The following CLSPN variants were observed in gnomAD, a reference collection of about 807,000 sequenced individuals.
The protein encoded by CLSPN is claspin, also known as claspin homolog.
CLSPN carries 85 observed loss-of-function variants against 156.3 expected under a neutral mutation model. The ratio of observed to expected loss-of-function variants is 0.54; its 90% CI spans 0.46 to 0.65. The LOEUF is 0.65. Among genes scored for constraint, CLSPN ranks in the 30% least tolerant of loss-of-function variants. The pLI is 0.00. For missense variants in CLSPN, 1,407 were observed against 1,554.9 expected (o/e 0.90, Z 1.60); for synonymous variants, 534 against 542.4 (o/e 0.98, Z 0.22).
downstream of CLSPN, among the ~76,000 whole-genome samples, chr1:35,728,921 A>AACACACAC (rs58348673): frequency 3.5e-3 from 294 of 85,130 alleles, 8 homozygotes; most frequent in East Asian, 0.019. Context: ...CCTCCCCTCA[A>AACACACAC]ACACACACAC....
At chr1:35,721,036 T>C (rs1641062594) in intron 24 of CLSPN, 4 of 1,235,352 alleles carry the variant, frequency 3.2e-6, no homozygotes, top group Non-Finnish European at 4.7e-6. Context: ...GAGAGATAGT[T>C]CTGATAATGT....
At chr1:35,758,593 C>T (rs1210755673) in intron 8 of CLSPN, among the ~76,000 whole-genome samples, 4 of 151,554 alleles carry the variant, frequency 2.6e-5, no homozygotes, top group Non-Finnish European at 5.9e-5. Context: ...TGCAGTGAGC[C>T]GAGATCGCAG....
At chr1:35,765,551 A>T (rs1476322865) in intron 1 of CLSPN, among the ~76,000 whole-genome samples, 1 of 147,820 alleles carries the variant, frequency 6.8e-6, no homozygotes, top group Non-Finnish European at 1.5e-5. Flanking sequence ...TAGTAACGGT[A>T]AAAAAAAAAA....
rs1641765202 is a variant in CLSPN at position 35,743,456 on chromosome 1, T to C, written c.3041A>G (p.Glu1014Gly). Reference protein sequence around the residue: ...VSNDNEFDSDEDEHSDSGNDL... With the variant: ...VSNDNEFDSDGDEHSDSGNDL... ...TTACTTTGTTCCCTTCATACTCACC[T>C]CATCACTATCAAACTCATTATCATT... Residue 1014 changes from glutamate to glycine, a missense_variant and splice_region_variant, in exon 17 of 25, where the codon GAG becomes GGG. By Grantham distance (98) the Glu-to-Gly change is moderately conservative. Transcript: ENST00000318121. 2 of 1,611,958 alleles carry C rather than the reference T, an allele frequency of 1.2e-6. No individual in the cohort carries two copies. Among genetic ancestry groups the C allele is most frequent in the Admixed American group, 1.7e-5 (1 of 59,956 alleles).
rs1641387985 is a variant in CLSPN at position 35,734,168 on chromosome 1, T to C, written c.*2328A>G. The C allele has an allele frequency of 2.0e-6, 2 of 985,260 alleles. No homozygotes were observed. The highest frequency in any genetic ancestry group is 4.7e-5 in the South Asian group (1 of 21,290). The allele number at this position is 985,260 out of a possible 1,614,324, so 61.0% of individuals were successfully genotyped here. On this transcript the variant is annotated 3_prime_UTR_variant, in exon 25 of 25. Transcript: ENST00000318121. ...TTAGACCCAGAGGGTTTCCCTGGGA[T>C]GGAGATAACCTGAAAATGAAATGCT...
At chr1:35,762,161 A>G in intron 5 of CLSPN, 91 bp from the exon 6 acceptor site, 7 of 1,027,208 alleles carry the variant, frequency 6.8e-6, no homozygotes, top group Non-Finnish European at 8.9e-6. Context: ...CTCTCCAAGA[A>G]AAGAGGAAAG....
At chr1:35,724,518 A>G (rs1055620329) in intron 24 of CLSPN, among the ~76,000 whole-genome samples, 1 of 152,226 alleles carries the variant, frequency 6.6e-6, no homozygotes, top group Non-Finnish European at 1.5e-5. Context: ...CCATATCAGA[A>G]CAAAGCACGA....
chr1:35,737,905 C>A, intron 22 of CLSPN, 87 bp downstream of exon 22: 1 of 674,400 alleles, frequency 1.5e-6, no homozygotes. Flanking sequence ...GATTAAGCTG[C>A]AACAGCTCCT....
chr1:35,738,765 T>A (rs1641575012), intron 20 of CLSPN, among the ~76,000 whole-genome samples, 183 bp from the exon 21 acceptor site: 1 of 151,654 alleles, frequency 6.6e-6, no homozygotes, highest in Non-Finnish European at 1.5e-5. Flanking sequence ...CCATTTGCCA[T>A]CTGAAACTCG....
chr1:35,721,731 C>T (rs1641078521), intron 24 of CLSPN, among the ~76,000 whole-genome samples: 1 of 151,990 alleles, frequency 6.6e-6, no homozygotes, highest in African/African-American at 2.4e-5. Flanking sequence ...ATCTCAGAGA[C>T]AGGAAGAAAA....
In CLSPN at chr1:35,763,276, C is replaced by T. The variant is rs201678927; in HGVS notation, c.628G>A (p.Val210Met). Residue 210 changes from valine (V) to methionine (M), a missense_variant, in exon 4 of 25, where the codon GTG becomes ATG. Val to Met is a conservative substitution (Grantham distance 21, BLOSUM62 1). Coordinates refer to ENST00000318121, the MANE Select transcript of CLSPN (RefSeq NM_022111.4). ...QPFNDSGCLL[V>M]DKDLFETGLE... is the part of the protein sequence containing the mutation. ...CCAGTTTCAAAAAGGTCTTTATCCACAAGAAGACAGCCACTGTCATTAAAT... is the reference window on the plus strand; with the variant it reads ...CCAGTTTCAAAAAGGTCTTTATCCATAAGAAGACAGCCACTGTCATTAAAT... The T allele has an allele frequency of 6.2e-6, 10 of 1,605,138 alleles. No homozygotes were observed. The highest frequency in any genetic ancestry group is 1.1e-5 in the South Asian group (1 of 89,466).
At position 35,733,513 on chromosome 1, in the gene CLSPN, A is replaced by C; in HGVS notation, c.*2983T>G. On this transcript the variant is annotated 3_prime_UTR_variant, in exon 25 of 25. Transcript: ENST00000318121. Reference sequence around the variant, plus strand: ...ATCTCTCCTCAAAAGACATGTAGGGAAACAAGAGGGAAGAAATATCTAGCC... The same window carrying C: ...ATCTCTCCTCAAAAGACATGTAGGGCAACAAGAGGGAAGAAATATCTAGCC... 1.0e-6 allele frequency: 1 copy of C among 985,266 alleles called. No individual in the cohort carries two copies. Among genetic ancestry groups the C allele is most frequent in the Non-Finnish European group, 1.2e-6 (1 of 829,884 alleles). 61.0% of individuals were successfully genotyped at this position (985,266 alleles called of 1,614,324 possible).
At chr1:35,768,547 G>C (rs995040698) in intron 1 of CLSPN, among the ~76,000 whole-genome samples, 1 of 151,676 alleles carries the variant, frequency 6.6e-6, no homozygotes, top group East Asian at 2.0e-4. Flanking sequence ...AGCTGGGACC[G>C]AGTAGCTGGG....
intron 1 of CLSPN, 78 bp downstream of exon 1, chr1:35,769,769 G>C (rs1367614449): frequency 5.7e-6 from 8 of 1,398,342 alleles, no homozygotes; most frequent in Non-Finnish European, 6.7e-6. Flanking sequence ...TCGGGTCAGC[G>C]GGGTCTACCC....
At chr1:35,738,422 C>T (rs1641557244) in intron 21 of CLSPN, 33 bp downstream of exon 21, 1 of 1,610,128 alleles carries the variant, frequency 6.2e-7, no homozygotes, top group Admixed American at 1.7e-5. Context: ...GGGACAGTCT[C>T]ATAAACTAGG....
chr1:35,748,801 T>A, intron 12 of CLSPN, 197 bp from the exon 13 acceptor site: 1 of 560,556 alleles, frequency 1.8e-6, no homozygotes, highest in Non-Finnish European at 3.3e-6. Flanking sequence ...TACTCTGAGC[T>A]AAGTGACACT....
Position 35,736,512 on chromosome 1 carries a change from T to C in CLSPN, c.4004A>G (p.Lys1335Arg), listed in dbSNP as rs1232447789. Residue 1335 changes from lysine to arginine, a missense_variant, in exon 25 of 25, where the codon AAA becomes AGA. This residue lies in a region of CLSPN where 241 missense variants were observed against 240.5 expected (regional missense o/e 1.00). Coordinates refer to ENST00000318121, the MANE Select transcript of CLSPN (RefSeq NM_022111.4). Reference sequence around the variant, plus strand: ...TTGATGGTGTTAGCTCTCCAAATATTTGAAGATGCTTCGCGTCAATCCTGA... The same window carrying C: ...TTGATGGTGTTAGCTCTCCAAATATCTGAAGATGCTTCGCGTCAATCCTGA... ...STSGLTRSIF[K>R]YLES is the part of the protein sequence containing the mutation. 1.9e-6 allele frequency: 3 copies of C among 1,604,602 alleles called. No individual in the cohort carries two copies. The highest frequency in any genetic ancestry group is 3.4e-5 in the Admixed American group (2 of 58,238).
In CLSPN at chr1:35,736,238, A is replaced by G; in HGVS notation, c.*258T>C. ...CATCTTAAAAAAAAAAAAAAAAAGG[A>G]AACCTCACCCAAGTATTCCATGAGT... On this transcript the variant is annotated 3_prime_UTR_variant, in exon 25 of 25. Coordinates refer to ENST00000318121, the MANE Select transcript of CLSPN (RefSeq NM_022111.4). 1 of 1,072,634 alleles carries G rather than the reference A, an allele frequency of 9.3e-7. No homozygotes were observed. Among genetic ancestry groups the G allele is most frequent in the Non-Finnish European group, 1.1e-6 (1 of 887,682 alleles). 66.4% of individuals were successfully genotyped at this position (1,072,634 alleles called of 1,614,324 possible). A position where few individuals can be genotyped will look rare whatever the true frequency, so the allele number is the denominator to read the frequency against.
chr1:35,734,282 A>C lies in CLSPN; in HGVS notation c.*2214T>G. 1.0e-6 allele frequency: 1 copy of C among 985,376 alleles called. No individual in the cohort carries two copies. Among genetic ancestry groups the C allele is most frequent in the Non-Finnish European group, 1.2e-6 (1 of 829,878 alleles). 61.0% of individuals were successfully genotyped at this position (985,376 alleles called of 1,614,324 possible). A position where few individuals can be genotyped will look rare whatever the true frequency, so the allele number is the denominator to read the frequency against. On this transcript the variant is annotated 3_prime_UTR_variant, in exon 25 of 25. Transcript: ENST00000318121. ...TCAAGGCATTAAGATTTATTGAAAA[A>C]CTACATACATATTAAAACATCTTTA... is the stretch of plus-strand genomic sequence containing the variant.
Sources: allele counts gnomAD v4.1 joint callset (sites outside exome capture counted in the v4.1 genomes callset), GRCh38; gene constraint gnomAD v4.1.1; regional missense constraint gnomAD v4.1.1; transcripts MANE v1.5; gene names NCBI Gene and HGNC (gene_info 2026-07-23, HGNC 2026-07-21).